INPP5D: variants seen among roughly 807,000 people sequenced by gnomAD.
INPP5D encodes the protein inositol polyphosphate-5-phosphatase D.
In INPP5D, 33 loss-of-function variants were observed where a neutral mutation model predicts 122.9. The ratio of observed to expected loss-of-function variants is 0.27; its 90% confidence interval spans 0.20 to 0.36. INPP5D has a LOEUF of 0.36. Ranked by LOEUF, INPP5D falls within the 10% of genes least tolerant of loss-of-function variation. The pLI, the probability that INPP5D is intolerant of heterozygous loss-of-function variation, is 1.00. For synonymous variants in INPP5D, 584 were observed against 576.2 expected (o/e 1.01, Z -0.19); for missense variants, 1,053 against 1,412.7 (o/e 0.75, Z 4.08).
chr2:233,176,345 ATGGATGGATGG>A (rs1559335631), intron 17 of INPP5D, among the ~76,000 whole-genome samples: 7 of 76,534 alleles, frequency 9.1e-5, no homozygotes, highest in African/African-American at 1.9e-4. Flanking sequence ...GGATGGATGG[ATGGATGGATGG>A]ATAGGCGAAT....
At chr2:233,172,861 A>G (rs1406263663) in intron 17 of INPP5D, among the ~76,000 whole-genome samples, 2 of 152,238 alleles carry the variant, frequency 1.3e-5, no homozygotes, top group East Asian at 1.9e-4. Flanking sequence ...CTGTAACACA[A>G]TAAGTTTTTG....
chr2:233,184,768 G>T (rs368101551), intron 20 of INPP5D, among the ~76,000 whole-genome samples: 1 of 152,194 alleles, frequency 6.6e-6, no homozygotes, highest in Non-Finnish European at 1.5e-5. Context: ...GTCCCTTGTA[G>T]GTGGCAAGCA....
At chr2:233,108,868 C>T (rs1269888521) in intron 2 of INPP5D, among the ~76,000 whole-genome samples, 1 of 152,220 alleles carries the variant, frequency 6.6e-6, no homozygotes, top group African/African-American at 2.4e-5. Flanking sequence ...GGGCTCTGTG[C>T]CAGGCACTAA....
Position 233,197,476 on chromosome 2 carries a change from C to A in INPP5D, c.2694-619C>A, listed in dbSNP as rs1011240416. Among the ~76,000 whole-genome samples the A allele has an allele frequency of 6.6e-6, 1 of 152,156 alleles. No individual in the cohort carries two copies. ...CTTCCTGCCACCCAGGCTACCCCCC[C>A]ACCATCTCTCTGCCCTGCCAGCCTT... On this transcript the variant is annotated intron_variant, in intron 24 of 26. Transcript: ENST00000445964. This position sits in a 1 kb window ranked among gnomAD's most constrained non-coding sequence, Gnocchi z 4.4.
intron 5 of INPP5D, chr2:233,130,908 G>A (rs1401936666): frequency 1.6e-6 from 1 of 625,258 alleles, no homozygotes; most frequent in African/African-American, 1.8e-5. Context: ...GAAGCGGATG[G>A]GGTGGGAGGA....
At chr2:233,089,759 C>A (rs909322432) in intron 2 of INPP5D, among the ~76,000 whole-genome samples, 1 of 152,214 alleles carries the variant, frequency 6.6e-6, no homozygotes, top group African/African-American at 2.4e-5. Context: ...ACAACAGCCA[C>A]CCTCAAAGTC....
At chr2:233,195,809 A>G (rs572380341) in intron 24 of INPP5D, among the ~76,000 whole-genome samples, 1 of 152,310 alleles carries the variant, frequency 6.6e-6, no homozygotes, top group South Asian at 2.1e-4. Flanking sequence ...TCTACTAAAA[A>G]TACAAAAATT....
At chr2:233,143,222 G>A (rs1693666165) in intron 6 of INPP5D, among the ~76,000 whole-genome samples, 1 of 152,218 alleles carries the variant, frequency 6.6e-6, no homozygotes, top group African/African-American at 2.4e-5. Flanking sequence ...TATGGGGAAA[G>A]CTCCAGCATT....
intron 5 of INPP5D, among the ~76,000 whole-genome samples, chr2:233,137,534 C>A (rs1693499032): frequency 6.7e-6 from 1 of 150,026 alleles, no homozygotes; most frequent in Admixed American, 6.7e-5. Context: ...TGGCTCACTG[C>A]AACTTCTGCC....
intron 2 of INPP5D, among the ~76,000 whole-genome samples, chr2:233,080,082 A>G (rs1169532813): frequency 6.6e-6 from 1 of 152,118 alleles, no homozygotes; most frequent in East Asian, 1.9e-4. Context: ...GGTGCCCGCC[A>G]CCATGCCCGG....
chr2:233,159,281 C>G (rs1694136120), intron 10 of INPP5D, among the ~76,000 whole-genome samples: 1 of 152,218 alleles, frequency 6.6e-6, no homozygotes, highest in Non-Finnish European at 1.5e-5. Flanking sequence ...AAATTTGAAC[C>G]AGGGCCAAAA....
chr2:233,073,640 C>CAAA lies in INPP5D; in HGVS notation c.135-5671_135-5669dup, dbSNP rs752382722. 8.8e-3 allele frequency among the ~76,000 whole-genome samples: 390 copies of CAAA among 44,178 alleles called. 15 individuals carry two copies. Among genetic ancestry groups the CAAA allele is most frequent in the African/African-American group, 0.02 (270 of 13,544 alleles). 29.0% of individuals were successfully genotyped at this position (44,178 alleles called of 152,430 possible). A position where few individuals can be genotyped will look rare whatever the true frequency, so the allele number is the denominator to read the frequency against. On this transcript the variant is annotated intron_variant, in intron 1 of 26. Coordinates refer to ENST00000445964, the MANE Select transcript of INPP5D (RefSeq NM_001017915.3). ...GGGCGACAAGAGCGAAACTCAATCT[C>CAAA]AAAAAAAAAAAAAAAAAAAAAAAAA...
rs112612363 is a variant in INPP5D, at chr2:233,128,538, C to T, written c.525-1970C>T. ...TGTCACCCAAGCTGGAACACAGTGG[C>T]GCGATCTCGGCTCACTGCAACCTCT... On this transcript the variant is annotated intron_variant, in intron 4 of 26. Transcript: ENST00000445964. The surrounding 1 kb of genome is among the most constrained non-coding windows in gnomAD (Gnocchi z 4.5). Among the ~76,000 whole-genome samples the T allele has an allele frequency of 1.3e-5, 2 of 152,162 alleles. No individual in the cohort carries two copies. The highest frequency in any genetic ancestry group is 1.5e-5 in the Non-Finnish European group (1 of 68,038).
chr2:233,170,140 C>T lies in INPP5D; in HGVS notation c.1767C>T (p.Asn589=), dbSNP rs752910156. ...ACCTCTTCTGGTTTGGGGATCTTAACTACCGTGTGGATCTGCCTACCTGGG... is the reference window on the plus strand; with the variant it reads ...ACCTCTTCTGGTTTGGGGATCTTAATTACCGTGTGGATCTGCCTACCTGGG... ...FTHLFWFGDL[N]YRVDLPTWEA... Residue 589 remains asparagine (N), a synonymous_variant, in exon 15 of 27, where the codon AAC becomes AAT. Transcript: ENST00000445964. The surrounding 1 kb of genome is among the most constrained non-coding windows in gnomAD (Gnocchi z 4.5). 6.2e-7 allele frequency: 1 copy of T among 1,614,044 alleles called. No individual in the cohort carries two copies. Among genetic ancestry groups the T allele is most frequent in the South Asian group, 1.1e-5 (1 of 91,090 alleles).
At chr2:233,150,415 T>G (rs1490620250) in intron 9 of INPP5D, among the ~76,000 whole-genome samples, 1 of 152,206 alleles carries the variant, frequency 6.6e-6, no homozygotes, top group Non-Finnish European at 1.5e-5. Flanking sequence ...TGTGGAACTG[T>G]GAGTCCATTA....
At chr2:233,184,916 C>T (rs1454952845) in intron 20 of INPP5D, among the ~76,000 whole-genome samples, 2 of 151,692 alleles carry the variant, frequency 1.3e-5, no homozygotes, top group African/African-American at 4.8e-5. Flanking sequence ...GCAGCAGCTG[C>T]CTGTTGTCGC....
intron 9 of INPP5D, among the ~76,000 whole-genome samples, chr2:233,154,151 C>T (rs1466012256): frequency 9.1e-6 from 1 of 110,334 alleles, no homozygotes; most frequent in Non-Finnish European, 1.8e-5. Context: ...GGATCAAATT[C>T]TTTTTGTTTT....
chr2:233,123,519 T>C (rs567060257), intron 3 of INPP5D, among the ~76,000 whole-genome samples: 37 of 151,556 alleles, frequency 2.4e-4, no homozygotes, highest in South Asian at 2.1e-4. Context: ...CTTTACAGCA[T>C]AGGGACAAAG....
chr2:233,137,853 AATATATATATATATATATAT>A (rs1160357196), intron 5 of INPP5D, among the ~76,000 whole-genome samples: 12 of 27,724 alleles, frequency 4.3e-4, no homozygotes, highest in South Asian at 2.0e-3. Context: ...AAAAAAAAAA[AATATATATATATATATATAT>A]ATATATATAT....
Sources: allele counts gnomAD v4.1 joint callset (sites outside exome capture counted in the v4.1 genomes callset), GRCh38; gene constraint gnomAD v4.1.1; non-coding constraint Gnocchi (gnomAD v3.1); transcripts MANE v1.5; gene names NCBI Gene and HGNC (gene_info 2026-07-23, HGNC 2026-07-21).